The following PTPRG variants were observed in gnomAD, a reference collection of about 807,000 sequenced individuals.
PTPRG encodes receptor-type tyrosine-protein phosphatase gamma.
Under a neutral mutation model 165.3 loss-of-function variants are expected in PTPRG, and 102 were observed. That is an observed-to-expected ratio of 0.62 (90% CI 0.53 to 0.73). PTPRG has a LOEUF of 0.73. PTPRG is among the 30% of genes least tolerant of loss of function. The pLI is 0.00. For synonymous variants in PTPRG, 675 were observed against 669.5 expected, an observed-to-expected ratio of 1.01 and a Z score of -0.13; for missense variants, 1,866 against 1,861.4, an observed-to-expected ratio of 1.00 and a Z score of -0.05.
chr3:62,152,988 A>G (rs1704392001), intron 6 of PTPRG, among the ~76,000 whole-genome samples: 1 of 152,244 alleles, frequency 6.6e-6, no homozygotes, highest in African/African-American at 2.4e-5. Context: ...TATTCCCCCA[A>G]AAAAGAATCA....
Position 62,228,535 on chromosome 3 carries a change from A to AAAAAAG in PTPRG, c.2289-2677_2289-2672dup, listed in dbSNP as rs779081026. Among the ~76,000 whole-genome samples, 3 of 151,894 alleles carry AAAAAAG rather than the reference A, an allele frequency of 2.0e-5. No individual in the cohort carries two copies. The highest frequency in any genetic ancestry group is 2.1e-4 in the South Asian group (1 of 4,812). ...TCTCAAAAAAAAAAAAGAAAGAAAGAAAAAAGAAAAAGAAAAAGGACAAGT... is the reference window on the plus strand; with the variant it reads ...TCTCAAAAAAAAAAAAGAAAGAAAGAAAAAAGAAAAAGAAAAAGAAAAAGGACAAGT... On this transcript the variant is annotated intron_variant, in intron 13 of 29. Transcript: ENST00000474889. The surrounding 1 kb of genome is among the most constrained non-coding windows in gnomAD (Gnocchi z 4.1).
chr3:61,636,436 C>A (rs892924985), intron 1 of PTPRG, among the ~76,000 whole-genome samples: 4 of 152,196 alleles, frequency 2.6e-5, no homozygotes, highest in African/African-American at 9.7e-5. Context: ...TGACTTCTTT[C>A]ACTTAGCAAA....
chr3:61,684,634 A>C (rs1459892300), intron 1 of PTPRG, among the ~76,000 whole-genome samples: 3 of 152,176 alleles, frequency 2.0e-5, no homozygotes, highest in African/African-American at 7.2e-5. Context: ...CAGGTCATAA[A>C]AGCGGGGGCC....
chr3:62,046,900 G>A (rs1446558946), intron 4 of PTPRG, among the ~76,000 whole-genome samples: 1 of 152,178 alleles, frequency 6.6e-6, no homozygotes, highest in Non-Finnish European at 1.5e-5. Flanking sequence ...GGCACTTACA[G>A]GATGCAAGAC....
intron 2 of PTPRG, chr3:61,769,523 T>C: frequency 6.6e-6 from 1 of 152,296 alleles, no homozygotes; most frequent in South Asian, 2.1e-4. Context: ...TCCTCCCAGC[T>C]TAGCCTTGCA....
At chr3:61,679,927 T>A (rs941600794) in intron 1 of PTPRG, among the ~76,000 whole-genome samples, 1 of 152,202 alleles carries the variant, frequency 6.6e-6, no homozygotes, top group African/African-American at 2.4e-5. Flanking sequence ...CACCTTACTC[T>A]CTTCGGCTTG....
intron 5 of PTPRG, among the ~76,000 whole-genome samples, chr3:62,119,589 G>A (rs1702986678): frequency 6.6e-6 from 1 of 151,802 alleles, no homozygotes. Flanking sequence ...GCTGGCATGG[G>A]TTGTGATTAG....
chr3:61,712,553 C>A (rs1409049532), intron 1 of PTPRG, among the ~76,000 whole-genome samples: 3 of 152,120 alleles, frequency 2.0e-5, no homozygotes, highest in African/African-American at 7.2e-5. Flanking sequence ...CTCATGAGAT[C>A]TGATGGTTTA....
At chr3:61,575,318 T>C (rs145729936) in intron 1 of PTPRG, among the ~76,000 whole-genome samples, 1 of 152,222 alleles carries the variant, frequency 6.6e-6, no homozygotes, top group African/African-American at 2.4e-5. Flanking sequence ...CTTATATGCC[T>C]TGGAACCTTT....
intron 8 of PTPRG, among the ~76,000 whole-genome samples, chr3:62,174,507 T>G (rs1045545087): frequency 2.0e-5 from 3 of 152,188 alleles, no homozygotes; most frequent in Non-Finnish European, 4.4e-5. Context: ...GCTTCCTGTT[T>G]TGGTTAAAAG....
chr3:61,724,607 A>G (rs2032183176), intron 1 of PTPRG, among the ~76,000 whole-genome samples: 1 of 152,146 alleles, frequency 6.6e-6, no homozygotes, highest in East Asian at 1.9e-4. Context: ...TCCCACCAGC[A>G]ATGCATAAGA....
intron 2 of PTPRG, among the ~76,000 whole-genome samples, chr3:61,846,991 C>A (rs1479048016): frequency 6.6e-6 from 1 of 152,184 alleles, no homozygotes; most frequent in Non-Finnish European, 1.5e-5. Flanking sequence ...TGTGGCTATT[C>A]ACATTCAAAT....
rs78908082 is a variant in PTPRG, at chr3:61,648,795, C to T, written c.85+86423C>T. 2.7e-4 allele frequency among the ~76,000 whole-genome samples: 41 copies of T among 152,226 alleles called. 1 individual carries two copies. The East Asian group carries it at 6.2e-3, about 23-fold the overall frequency. ...TCCCAAGAGAATGTTTTCTGTGCTC[C>T]GTGTATATTTCAAACTCCAAATAAG... On this transcript the variant is annotated intron_variant, in intron 1 of 29. Coordinates refer to ENST00000474889, the MANE Select transcript of PTPRG (RefSeq NM_002841.4).
intron 2 of PTPRG, among the ~76,000 whole-genome samples, chr3:61,913,228 T>C (rs6763379): frequency 0.12 from 18,611 of 152,098 alleles, 1,662 homozygotes; most frequent in East Asian, 0.48. Flanking sequence ...TTCTTTTTTA[T>C]TTTTTTTCTG....
At chr3:62,171,934 G>A (rs1031219628) in intron 8 of PTPRG, among the ~76,000 whole-genome samples, 3 of 151,842 alleles carry the variant, frequency 2.0e-5, no homozygotes, top group African/African-American at 7.3e-5. Context: ...CTTCCTCCAG[G>A]GCTAGGCAAC....
At chr3:61,667,953 G>A (rs556387457) in intron 1 of PTPRG, among the ~76,000 whole-genome samples, 118 of 152,288 alleles carry the variant, frequency 7.7e-4, no homozygotes, top group African/African-American at 2.7e-3. Flanking sequence ...ATTGGTCAAG[G>A]TGTAGGGGTG....
chr3:62,219,094 AG>A lies in PTPRG; in HGVS notation c.2288+112del. ...GCATTCAGGAAGGTGAGGTAGCTTA[AG>A]TGTTTCTGGTCTTGCCACCCGGAAG... On this transcript the variant is annotated intron_variant, in intron 13 of 29. Transcript: ENST00000474889. This position sits in a 1 kb window ranked among gnomAD's most constrained non-coding sequence, Gnocchi z 4.5. 7.0e-7 allele frequency: 1 copy of A among 1,434,798 alleles called. No individual in the cohort carries two copies. The highest frequency in any genetic ancestry group is 9.4e-7 in the Non-Finnish European group (1 of 1,060,232). 88.9% of individuals were successfully genotyped at this position (1,434,798 alleles called of 1,614,324 possible).
At chr3:61,616,918 T>C (rs1316648939) in intron 1 of PTPRG, among the ~76,000 whole-genome samples, 1 of 152,172 alleles carries the variant, frequency 6.6e-6, no homozygotes, top group Non-Finnish European at 1.5e-5. Context: ...TAGTTGACTT[T>C]CCACCATCGA....
At chr3:62,014,452 T>TTTAA (rs1426771658) in intron 4 of PTPRG, among the ~76,000 whole-genome samples, 8 of 152,336 alleles carry the variant, frequency 5.3e-5, no homozygotes, top group Non-Finnish European at 2.9e-5. Context: ...AAACTCAGGT[T>TTTAA]AGTATGTGGA....
Sources: allele counts gnomAD v4.1 joint callset (sites outside exome capture counted in the v4.1 genomes callset), GRCh38; gene constraint gnomAD v4.1.1; non-coding constraint Gnocchi (gnomAD v3.1); transcripts MANE v1.5; gene names NCBI Gene and HGNC (gene_info 2026-07-23, HGNC 2026-07-21).